Variants in PDE1C observed in about 807,000 individuals in gnomAD.
The protein encoded by PDE1C is phosphodiesterase 1C.
A neutral mutation model predicts 93.1 loss-of-function variants in PDE1C; 62 were observed. That is an observed-to-expected ratio of 0.67 (90% CI 0.54 to 0.82). The LOEUF (loss-of-function observed/expected upper bound fraction) is 0.82. Ranked by LOEUF, PDE1C falls within the 40% of genes least tolerant of loss-of-function variation. The pLI, the probability that PDE1C is intolerant of heterozygous loss-of-function variation, is 0.00. For missense variants in PDE1C, 742 were observed against 884.6 expected (o/e 0.84, Z 2.04); for synonymous variants, 325 against 310.1 (o/e 1.05, Z -0.50).
intron 2 of PDE1C, chr7:32,170,104 G>T: frequency 1.4e-6 from 1 of 699,944 alleles, no homozygotes; most frequent in Non-Finnish European, 2.4e-6. Flanking sequence ...GTTGTAACCA[G>T]GAATTTTTAC....
intron 1 of PDE1C, among the ~76,000 whole-genome samples, chr7:32,404,386 G>A (rs1435713105): frequency 6.6e-6 from 1 of 152,084 alleles, no homozygotes; most frequent in Non-Finnish European, 1.5e-5. Context: ...TTGAGAAAGA[G>A]TCTGTCACCC....
intron 3 of PDE1C, among the ~76,000 whole-genome samples, chr7:32,169,052 A>G (rs1802480223): frequency 6.6e-6 from 1 of 152,186 alleles, no homozygotes; most frequent in African/African-American, 2.4e-5. Context: ...CAATCTGGAA[A>G]AATGATTGAG....
chr7:32,130,623 ATGG>A (rs1799860780), intron 3 of PDE1C, among the ~76,000 whole-genome samples: 1 of 151,948 alleles, frequency 6.6e-6, no homozygotes, highest in African/African-American at 2.4e-5. Context: ...TTAACTCCCT[ATGG>A]TCCATCTTAC....
At chr7:32,329,806 A>G (rs1353356768) in intron 1 of PDE1C, among the ~76,000 whole-genome samples, 10 of 152,196 alleles carry the variant, frequency 6.6e-5, no homozygotes, top group Non-Finnish European at 1.3e-4. Context: ...ACAGAAGGGA[A>G]TGTGGGGTTT....
intron 2 of PDE1C, among the ~76,000 whole-genome samples, chr7:31,918,945 T>C (rs976806060): frequency 1.3e-5 from 2 of 152,234 alleles, no homozygotes; most frequent in Non-Finnish European, 2.9e-5. Context: ...ACAAACTGAA[T>C]GGCATTGCTT....
chr7:32,347,605 C>G (rs372982803), intron 1 of PDE1C, among the ~76,000 whole-genome samples: 1 of 152,092 alleles, frequency 6.6e-6, no homozygotes, highest in Non-Finnish European at 1.5e-5. Flanking sequence ...AAGCGAGGGC[C>G]CTCCCTAAAG....
At chr7:31,656,394 A>T in the PDE1C span, 6 of 460,482 alleles carry the variant, frequency 1.3e-5, no homozygotes, top group Admixed American at 6.4e-5. Context: ...AATAAATACC[A>T]TGAATCCTGT....
At chr7:31,623,079 C>A in the PDE1C span, among the ~76,000 whole-genome samples, 2 of 152,140 alleles carry the variant, frequency 1.3e-5, no homozygotes, top group African/African-American at 4.8e-5. Context: ...CTGAATAGGC[C>A]AATAACAGGA....
chr7:32,306,823 A>C (rs1305445937), intron 1 of PDE1C, among the ~76,000 whole-genome samples: 2 of 152,216 alleles, frequency 1.3e-5, no homozygotes, highest in African/African-American at 4.8e-5. Context: ...AAGAGGACTT[A>C]GGAAGTATCA....
At chr7:31,704,269 G>A in the PDE1C span, among the ~76,000 whole-genome samples, 23 of 152,296 alleles carry the variant, frequency 1.5e-4, no homozygotes, top group Admixed American at 2.6e-4. Context: ...TTTATCAGAA[G>A]ACGTGGTGTC....
At chr7:32,210,705 T>C (rs7779445) in intron 1 of PDE1C, among the ~76,000 whole-genome samples, 41,085 of 152,110 alleles carry the variant, frequency 0.27, 5,881 homozygotes, top group South Asian at 0.45. Context: ...GGCCAATTAC[T>C]AATTTGGGCA....
At chr7:31,902,679 G>A (rs1327942925) in intron 2 of PDE1C, among the ~76,000 whole-genome samples, 1 of 151,614 alleles carries the variant, frequency 6.6e-6, no homozygotes, top group Non-Finnish European at 1.5e-5. Flanking sequence ...TCCACTAACA[G>A]GGAATTGATT....
chr7:31,667,705 T>G, the PDE1C span, among the ~76,000 whole-genome samples: 1 of 151,972 alleles, frequency 6.6e-6, no homozygotes, highest in Non-Finnish European at 1.5e-5. Flanking sequence ...AATAGGATCA[T>G]GATGGTAGGG....
intron 2 of PDE1C, among the ~76,000 whole-genome samples, chr7:32,049,504 C>T (rs1460608734): frequency 2.0e-5 from 3 of 152,222 alleles, no homozygotes; most frequent in East Asian, 3.9e-4. Context: ...AGGGGCTTTA[C>T]TGGCCCAAAT....
the PDE1C span, among the ~76,000 whole-genome samples, chr7:31,690,434 T>C: frequency 0.16 from 24,176 of 152,224 alleles, 2,330 homozygotes; most frequent in African/African-American, 0.28. Context: ...TGCCAGACTG[T>C]GTGGGCACCA....
intron 1 of PDE1C, among the ~76,000 whole-genome samples, chr7:32,058,805 T>C (rs998342583): frequency 2.0e-5 from 3 of 152,082 alleles, no homozygotes; most frequent in African/African-American, 4.8e-5. Context: ...TATTTAAGGG[T>C]GAGAAAGGAG....
intron 1 of PDE1C, among the ~76,000 whole-genome samples, chr7:32,058,907 T>C (rs939461096): frequency 1.3e-5 from 2 of 152,134 alleles, no homozygotes; most frequent in African/African-American, 4.8e-5. Context: ...TGATTTCATT[T>C]TCCTGCCTGG....
chr7:31,980,060 A>T (rs796350552), intron 2 of PDE1C, among the ~76,000 whole-genome samples: 14 of 152,360 alleles, frequency 9.2e-5, no homozygotes, highest in African/African-American at 3.4e-4. Flanking sequence ...TGCAGACTCC[A>T]GAAAGGAGGT....
chr7:32,120,584 G>T (rs1799241474), intron 3 of PDE1C, among the ~76,000 whole-genome samples: 1 of 152,092 alleles, frequency 6.6e-6, no homozygotes, highest in South Asian at 2.1e-4. Flanking sequence ...GCACAGGGGT[G>T]AACCAGATGA....
Sources: allele counts gnomAD v4.1 joint callset (sites outside exome capture counted in the v4.1 genomes callset), GRCh38; gene constraint gnomAD v4.1.1; transcripts MANE v1.5; gene names NCBI Gene and HGNC (gene_info 2026-07-23, HGNC 2026-07-21).